ACSS3: variants seen among roughly 807,000 people sequenced by gnomAD.
The protein encoded by ACSS3 is acyl-CoA synthetase short chain family member 3.
In ACSS3, 64 loss-of-function variants were observed where a neutral mutation model predicts 84.2. The ratio of observed to expected loss-of-function variants is 0.76; its 90% confidence interval spans 0.62 to 0.94. The LOEUF (loss-of-function observed/expected upper bound fraction) is 0.94, where lower values mean the gene tolerates loss of function less well. Ranked by LOEUF, ACSS3 falls within the 40% of genes least tolerant of loss-of-function variation. The pLI is 0.00. For missense variants in ACSS3, 815 were observed against 867.6 expected, an observed-to-expected ratio of 0.94 and a Z score of 0.76; for synonymous variants, 317 against 310.1, an observed-to-expected ratio of 1.02 and a Z score of -0.23.
At chr12:81,190,101 A>T (rs2031488815) in intron 8 of ACSS3, among the ~76,000 whole-genome samples, 2 of 152,152 alleles carry the variant, frequency 1.3e-5, no homozygotes, top group Admixed American at 6.5e-5. Context: ...TCTACTATTA[A>T]TATATCAAGC....
At chr12:81,079,216 A>AT (rs956939319) in intron 1 of ACSS3, among the ~76,000 whole-genome samples, 25 of 152,072 alleles carry the variant, frequency 1.6e-4, no homozygotes, top group East Asian at 1.2e-3. Flanking sequence ...TATAAGCATG[A>AT]TTTTTTTTGC....
At chr12:81,254,426 T>C (rs1360882715) in intron 15 of ACSS3, among the ~76,000 whole-genome samples, 1 of 152,168 alleles carries the variant, frequency 6.6e-6, no homozygotes, top group Non-Finnish European at 1.5e-5. Context: ...TTGTAATTAT[T>C]TTAGGAAATC....
chr12:81,132,783 T>C (rs1042083276), intron 2 of ACSS3, among the ~76,000 whole-genome samples: 1 of 152,108 alleles, frequency 6.6e-6, no homozygotes, highest in Non-Finnish European at 1.5e-5. Flanking sequence ...TCATTTTTAT[T>C]CAACTGGCAT....
At chr12:81,172,282 CT>C (rs1440329147) in intron 7 of ACSS3, among the ~76,000 whole-genome samples, 6 of 73,428 alleles carry the variant, frequency 8.2e-5, no homozygotes, top group Admixed American at 2.7e-4. Context: ...AAAAAAGGCC[CT>C]GGTGATCCAT....
chr12:81,167,146 T>C (rs142263354), intron 7 of ACSS3, among the ~76,000 whole-genome samples: 15 of 152,370 alleles, frequency 9.8e-5, no homozygotes, highest in African/African-American at 3.6e-4. Context: ...AATTAGCAGT[T>C]TCCATTCTCT....
At chr12:81,190,636 T>A (rs2031521447) in intron 8 of ACSS3, among the ~76,000 whole-genome samples, 1 of 152,092 alleles carries the variant, frequency 6.6e-6, no homozygotes. Context: ...AGTAAAGTAT[T>A]TAATAGAATT....
chr12:81,237,421 G>A (rs1318753331), intron 13 of ACSS3, among the ~76,000 whole-genome samples: 1 of 151,576 alleles, frequency 6.6e-6, no homozygotes, highest in Non-Finnish European at 1.5e-5. Flanking sequence ...TTTCTCCATA[G>A]TTATAATATT....
At chr12:81,216,528 A>G (rs1777430829) in intron 9 of ACSS3, among the ~76,000 whole-genome samples, 1 of 152,208 alleles carries the variant, frequency 6.6e-6, no homozygotes, top group African/African-American at 2.4e-5. Flanking sequence ...TAGGTGAGTC[A>G]AGAGAAAGCA....
intron 13 of ACSS3, among the ~76,000 whole-genome samples, chr12:81,239,284 T>G (rs2135986657): frequency 6.6e-6 from 1 of 152,100 alleles, no homozygotes; most frequent in South Asian, 2.1e-4. Flanking sequence ...GTAGTCTGTC[T>G]TGGTGACTGT....
chr12:81,233,620 T>C (rs1337687428), intron 13 of ACSS3, 149 bp downstream of exon 13: 3 of 1,006,816 alleles, frequency 3.0e-6, no homozygotes, highest in African/African-American at 3.3e-5. Flanking sequence ...CCCACCTCAC[T>C]TTCTCTTTTA....
intron 9 of ACSS3, among the ~76,000 whole-genome samples, chr12:81,213,790 T>C (rs546524768): frequency 1.2e-4 from 10 of 86,880 alleles, no homozygotes; most frequent in African/African-American, 4.5e-4. Context: ...CCTTCTCTTC[T>C]CTTTTCTCTT....
intron 1 of ACSS3, among the ~76,000 whole-genome samples, chr12:81,099,262 T>G (rs1172345021): frequency 5.9e-5 from 9 of 152,190 alleles, no homozygotes; most frequent in Non-Finnish European, 1.0e-4. Context: ...ATTGTTTATT[T>G]ATTTATAAAT....
intron 9 of ACSS3, among the ~76,000 whole-genome samples, chr12:81,211,340 C>T (rs929591750): frequency 6.6e-6 from 1 of 152,072 alleles, no homozygotes; most frequent in South Asian, 2.1e-4. Context: ...ATGAGATATA[C>T]AGGCATGCAG....
intron 13 of ACSS3, among the ~76,000 whole-genome samples, chr12:81,244,031 A>C (rs148105941): frequency 2.0e-4 from 31 of 152,124 alleles, no homozygotes; most frequent in African/African-American, 7.5e-4. Flanking sequence ...CGGGCAACAC[A>C]TTACCTCAAT....
chr12:81,152,252 G>A (rs1427167823), intron 7 of ACSS3, among the ~76,000 whole-genome samples, 156 bp downstream of exon 7: 1 of 152,088 alleles, frequency 6.6e-6, no homozygotes, highest in Non-Finnish European at 1.5e-5. Context: ...AAGGGAAAAG[G>A]ATATGTAGGA....
At position 81,255,001 on chromosome 12, in the gene ACSS3, A is replaced by C; in HGVS notation, c.*79A>C. 2 of 1,284,752 alleles carry C rather than the reference A, an allele frequency of 1.6e-6. No homozygotes were observed. Among genetic ancestry groups the C allele is most frequent in the Non-Finnish European group, 2.2e-6 (2 of 930,226 alleles). 79.6% of individuals were successfully genotyped at this position (1,284,752 alleles called of 1,614,324 possible). A position where few individuals can be genotyped will look rare whatever the true frequency, so the allele number is the denominator to read the frequency against. ...ATTATTTGAGTTGTTTCTCAGAAAT[A>C]AATATTTCAGTAGAAATTACTTGCA... On this transcript the variant is annotated 3_prime_UTR_variant, in exon 16 of 16. Transcript: ENST00000548058.
At chr12:81,138,268 C>T (rs997078258) in intron 3 of ACSS3, among the ~76,000 whole-genome samples, 8 of 152,118 alleles carry the variant, frequency 5.3e-5, no homozygotes, top group African/African-American at 1.4e-4. Flanking sequence ...GTTCCGCAAA[C>T]GTTTACTGAA....
intron 2 of ACSS3, among the ~76,000 whole-genome samples, chr12:81,129,936 C>T (rs1242869159): frequency 6.6e-6 from 1 of 151,986 alleles, no homozygotes; most frequent in Non-Finnish European, 1.5e-5. Flanking sequence ...TCATCCATGC[C>T]CCTACAAAGG....
chr12:81,157,443 G>C (rs1886930888), intron 7 of ACSS3, among the ~76,000 whole-genome samples: 1 of 152,258 alleles, frequency 6.6e-6, no homozygotes, highest in Admixed American at 6.5e-5. Context: ...CTGTTGTTCA[G>C]GAACAAGGCA....
Sources: gnomAD v4.1 joint callset for allele counts (sites outside exome capture counted in the v4.1 genomes callset) on GRCh38, gnomAD v4.1.1 for gene constraint, MANE v1.5 for transcripts, NCBI Gene and HGNC (gene_info 2026-07-23, HGNC 2026-07-21) for gene names.